The following DPY19L1 variants were observed in gnomAD, a reference collection of about 807,000 sequenced individuals.
The protein encoded by DPY19L1 is protein C-mannosyl-transferase DPY19L1.
DPY19L1 carries 35 observed loss-of-function variants against 96.9 expected under a neutral mutation model. That is an observed-to-expected ratio of 0.36 (90% CI 0.28 to 0.48). DPY19L1 has a LOEUF of 0.48. DPY19L1 is among the 20% of genes least tolerant of loss of function. DPY19L1 has a pLI of 0.99. For missense variants in DPY19L1, 521 were observed against 777.9 expected (o/e 0.67, Z 3.93); for synonymous variants, 205 against 252.6 (o/e 0.81, Z 1.79).
rs529491562 is a variant in DPY19L1, at chr7:34,993,897, G to A, written c.765-3956C>T. On this transcript the variant is annotated intron_variant, in intron 6 of 21. Coordinates refer to ENST00000638088, the MANE Select transcript of DPY19L1 (RefSeq NM_001366673.1). ...CAACATGATGAAACACTATCTCTAC[G>A]AAAATACAAAAAAAAAAAAAATTAG... Among the ~76,000 whole-genome samples the A allele has an allele frequency of 5.0e-3, 739 of 147,614 alleles. 3 individuals carry two copies. Among genetic ancestry groups the A allele is most frequent in the African/African-American group, 0.017 (689 of 40,032 alleles).
intron 13 of DPY19L1, among the ~76,000 whole-genome samples, chr7:34,950,888 A>G (rs1253952175): frequency 5.3e-5 from 8 of 152,176 alleles, no homozygotes; most frequent in Admixed American, 5.2e-4. Context: ...AGATGCTTAA[A>G]TTGGACTTAA....
rs1217465628 is a variant in DPY19L1, at chr7:34,931,497, T to C, written c.*76A>G. ...GTTACCTATAAAAGTTTTTGGGATA[T>C]GAACAACACATGACTTAGCAAAACA... On this transcript the variant is annotated 3_prime_UTR_variant, in exon 22 of 22. Coordinates refer to ENST00000638088, the MANE Select transcript of DPY19L1 (RefSeq NM_001366673.1). The C allele has an allele frequency of 2.2e-6, 3 of 1,349,488 alleles. No homozygotes were observed. The highest frequency in any genetic ancestry group is 3.0e-5 in the African/African-American group (2 of 67,238). 83.6% of individuals were successfully genotyped at this position (1,349,488 alleles called of 1,614,324 possible). A position where few individuals can be genotyped will look rare whatever the true frequency, so the allele number is the denominator to read the frequency against.
chr7:35,029,891 G>A (rs1786219572), intron 1 of DPY19L1, among the ~76,000 whole-genome samples: 1 of 152,126 alleles, frequency 6.6e-6, no homozygotes, highest in African/African-American at 2.4e-5. Context: ...AATTAACAAA[G>A]ACAAGAGAAC....
chr7:35,004,722 A>C (rs1444864711), intron 6 of DPY19L1, among the ~76,000 whole-genome samples: 1 of 152,252 alleles, frequency 6.6e-6, no homozygotes, highest in Non-Finnish European at 1.5e-5. Flanking sequence ...GCATAAAATA[A>C]AGTAAGAAAT....
At chr7:35,008,884 CATTACG>C (rs1785633562) in intron 6 of DPY19L1, among the ~76,000 whole-genome samples, 1 of 152,198 alleles carries the variant, frequency 6.6e-6, no homozygotes, top group South Asian at 2.1e-4. Context: ...CCCTCTGGCT[CATTACG>C]ATGCAAGCAC....
upstream of DPY19L1, chr7:35,037,780 G>T: frequency 8.4e-7 from 1 of 1,184,110 alleles, no homozygotes; most frequent in South Asian, 4.2e-5. Context: ...TTCCGGCGCA[G>T]GCGGGGCCCG....
At position 34,996,998 on chromosome 7, in the gene DPY19L1, A is replaced by G. The variant is rs189625087; in HGVS notation, c.765-7057T>C. ...TGGAAGGACGCCAGAGATACTCTGA[A>G]GCAGGACAGTAATAATAGGATTTTG... On this transcript the variant is annotated intron_variant, in intron 6 of 21. Coordinates refer to ENST00000638088, the MANE Select transcript of DPY19L1 (RefSeq NM_001366673.1). 9.7e-4 allele frequency among the ~76,000 whole-genome samples: 147 copies of G among 152,286 alleles called. 1 individual carries two copies. Among genetic ancestry groups the G allele is most frequent in the African/African-American group, 3.4e-3 (141 of 41,564 alleles).
At chr7:34,983,266 G>C (rs941666525) in intron 7 of DPY19L1, among the ~76,000 whole-genome samples, 10 of 152,052 alleles carry the variant, frequency 6.6e-5, no homozygotes, top group African/African-American at 2.4e-4. Flanking sequence ...GACATGCAAA[G>C]TAGCAGGAAA....
At chr7:34,955,133 C>T (rs2128785943) in intron 12 of DPY19L1, among the ~76,000 whole-genome samples, 175 bp downstream of exon 12, 1 of 150,726 alleles carries the variant, frequency 6.6e-6, no homozygotes, top group Middle Eastern at 3.5e-3. Flanking sequence ...CCAGGATTAA[C>T]TTTAACTTGT....
At chr7:34,980,181 G>C (rs1784910182) in intron 7 of DPY19L1, among the ~76,000 whole-genome samples, 1 of 152,094 alleles carries the variant, frequency 6.6e-6, no homozygotes, top group African/African-American at 2.4e-5. Context: ...AGTGGTACTA[G>C]GTTAACTGGA....
At chr7:34,939,005 C>T (rs896104122) in intron 20 of DPY19L1, 14 of 285,024 alleles carry the variant, frequency 4.9e-5, no homozygotes, top group African/African-American at 2.8e-4. Flanking sequence ...TTTTAGAGCC[C>T]TGTTAACCTG....
chr7:34,959,722 G>A (rs1295881419), intron 10 of DPY19L1, among the ~76,000 whole-genome samples: 14 of 151,532 alleles, frequency 9.2e-5, no homozygotes, highest in Middle Eastern at 3.4e-3. Context: ...TGGGGGCTGG[G>A]GGGCTAGGGG....
At chr7:35,029,025 G>A (rs1584265003) in intron 1 of DPY19L1, among the ~76,000 whole-genome samples, 5 of 152,072 alleles carry the variant, frequency 3.3e-5, no homozygotes, top group Admixed American at 6.5e-5. Flanking sequence ...CTTCTTTACC[G>A]CATGCTGTTT....
At chr7:34,987,523 G>A (rs543915337) in intron 7 of DPY19L1, among the ~76,000 whole-genome samples, 34 of 152,162 alleles carry the variant, frequency 2.2e-4, no homozygotes, top group African/African-American at 7.9e-4. Flanking sequence ...TTCACATGTA[G>A]TGCACAGCAA....
At chr7:35,018,728 C>T (rs1277663457) in intron 1 of DPY19L1, 132 bp from the exon 2 acceptor site, 1 of 750,464 alleles carries the variant, frequency 1.3e-6, no homozygotes, top group African/African-American at 1.8e-5. Flanking sequence ...CAAAAAAGTC[C>T]CAGGGCTACG....
chr7:35,002,062 G>A (rs994789121), intron 6 of DPY19L1, among the ~76,000 whole-genome samples: 1 of 150,966 alleles, frequency 6.6e-6, no homozygotes, highest in African/African-American at 2.4e-5. Context: ...AGGAGGCCAA[G>A]GTTGCAGTGA....
intron 10 of DPY19L1, among the ~76,000 whole-genome samples, chr7:34,961,719 GAC>G: frequency 6.6e-6 from 1 of 152,074 alleles, no homozygotes; most frequent in Non-Finnish European, 1.5e-5. Flanking sequence ...ATCTGCAAAA[GAC>G]ACATCTGATA....
At chr7:34,967,672 C>A (rs1649242) in intron 9 of DPY19L1, among the ~76,000 whole-genome samples, 7,048 of 151,996 alleles carry the variant, frequency 0.046, 362 homozygotes, top group African/African-American at 0.12. Flanking sequence ...GCCTCTACAC[C>A]CTTCCTCATA....
At chr7:34,981,567 A>C (rs1168086760) in intron 7 of DPY19L1, among the ~76,000 whole-genome samples, 1 of 152,212 alleles carries the variant, frequency 6.6e-6, no homozygotes, top group Non-Finnish European at 1.5e-5. Flanking sequence ...AACTTTGTAA[A>C]TTCAATAACA....
Sources: gnomAD v4.1 joint callset for allele counts (sites outside exome capture counted in the v4.1 genomes callset) on GRCh38, gnomAD v4.1.1 for gene constraint, MANE v1.5 for transcripts, NCBI Gene and HGNC (gene_info 2026-07-23, HGNC 2026-07-21) for gene names.